Variants in KCNT2 observed in about 807,000 individuals in gnomAD.
KCNT2 encodes the protein potassium sodium-activated channel subfamily T member 2.
Under a neutral mutation model 153.8 loss-of-function variants are expected in KCNT2, and 67 were observed. The ratio of observed to expected loss-of-function variants is 0.44; its 90% confidence interval spans 0.36 to 0.53. KCNT2 has a LOEUF of 0.53. Among genes scored for constraint, KCNT2 ranks in the 20% least tolerant of loss-of-function variants. The pLI is 0.00. For synonymous variants in KCNT2, 500 were observed against 458.8 expected (o/e 1.09, Z -1.15); for missense variants, 975 against 1,354.8 (o/e 0.72, Z 4.40).
chr1:196,606,330 T>C (rs536993221), intron 1 of KCNT2, among the ~76,000 whole-genome samples: 1 of 152,272 alleles, frequency 6.6e-6, no homozygotes, highest in East Asian at 1.9e-4. Flanking sequence ...CTTCAAAGAT[T>C]AACAACAAAT....
chr1:196,540,949 C>T (rs1161404610), intron 1 of KCNT2, among the ~76,000 whole-genome samples: 4 of 151,760 alleles, frequency 2.6e-5, no homozygotes, highest in Non-Finnish European at 4.4e-5. Context: ...GCCTGTAGTC[C>T]CAGCTACTCG....
chr1:196,253,079 G>T (rs189843980), intron 26 of KCNT2, among the ~76,000 whole-genome samples: 28 of 151,122 alleles, frequency 1.9e-4, no homozygotes, highest in African/African-American at 6.5e-4. Flanking sequence ...TTTCAATGAG[G>T]TTCTTAAATT....
intron 26 of KCNT2, among the ~76,000 whole-genome samples, chr1:196,245,642 C>G (rs537324149): frequency 6.6e-6 from 1 of 152,026 alleles, no homozygotes; most frequent in East Asian, 1.9e-4. Context: ...AATTCAGAAT[C>G]CTAACAAAAA....
intron 1 of KCNT2, among the ~76,000 whole-genome samples, chr1:196,576,500 T>C (rs1661400651): frequency 6.6e-6 from 1 of 152,088 alleles, no homozygotes. Flanking sequence ...CCTACATAAA[T>C]TATATAAAAA....
chr1:196,424,683 A>G (rs1673499233), intron 11 of KCNT2, among the ~76,000 whole-genome samples: 1 of 151,588 alleles, frequency 6.6e-6, no homozygotes, highest in African/African-American at 2.4e-5. Context: ...TTTTTTTTTC[A>G]GAAGTTGAAT....
chr1:196,463,411 C>G (rs971279655), intron 8 of KCNT2, among the ~76,000 whole-genome samples: 1 of 151,662 alleles, frequency 6.6e-6, no homozygotes, highest in South Asian at 2.1e-4. Flanking sequence ...GAAATCAAAC[C>G]TGTTTATCCA....
intron 1 of KCNT2, among the ~76,000 whole-genome samples, chr1:196,499,598 T>G (rs1680513241): frequency 6.6e-6 from 1 of 152,206 alleles, no homozygotes; most frequent in Non-Finnish European, 1.5e-5. Flanking sequence ...TTTTCTTCCT[T>G]ATGTTATAAC....
At chr1:196,403,903 T>C (rs1671623532) in intron 12 of KCNT2, among the ~76,000 whole-genome samples, 1 of 151,652 alleles carries the variant, frequency 6.6e-6, no homozygotes, top group African/African-American at 2.4e-5. Context: ...TATTGTATAA[T>C]GGATGTGTGC....
intron 1 of KCNT2, among the ~76,000 whole-genome samples, chr1:196,604,203 G>T (rs913316601): frequency 6.6e-6 from 1 of 152,122 alleles, no homozygotes; most frequent in Non-Finnish European, 1.5e-5. Context: ...GTATTAAAAT[G>T]GAAATTCTAT....
At chr1:196,463,601 C>T (rs1438008861) in intron 8 of KCNT2, among the ~76,000 whole-genome samples, 1 of 151,666 alleles carries the variant, frequency 6.6e-6, no homozygotes, top group African/African-American at 2.4e-5. Context: ...AACTAAAACA[C>T]ACACACAAGA....
At chr1:196,419,668 C>G (rs1290452081) in intron 12 of KCNT2, among the ~76,000 whole-genome samples, 3 of 151,930 alleles carry the variant, frequency 2.0e-5, no homozygotes, top group African/African-American at 7.2e-5. Flanking sequence ...ATACAAAATT[C>G]TAAGTGAAAA....
intron 1 of KCNT2, among the ~76,000 whole-genome samples, chr1:196,494,957 G>C (rs1025169144): frequency 2.0e-5 from 3 of 151,340 alleles, no homozygotes; most frequent in African/African-American, 7.3e-5. Context: ...CTGGACAACA[G>C]CATGCGAGCC....
At chr1:196,252,810 G>T (rs977164853) in intron 26 of KCNT2, among the ~76,000 whole-genome samples, 4 of 150,940 alleles carry the variant, frequency 2.7e-5, no homozygotes, top group African/African-American at 9.7e-5. Flanking sequence ...CTTCATTTTA[G>T]AAAGATATCT....
Position 196,272,750 on chromosome 1 carries a change from T to C in KCNT2, c.2910+8110A>G, listed in dbSNP as rs796600090. ...TTCACTCAGCGTAATCTTGTCCAGGTTCATCCATGTTGTTCTCCTTCTCTC... is the reference window on the plus strand; with the variant it reads ...TTCACTCAGCGTAATCTTGTCCAGGCTCATCCATGTTGTTCTCCTTCTCTC... On this transcript the variant is annotated intron_variant, in intron 25 of 27. Transcript: ENST00000294725. Among the ~76,000 whole-genome samples the C allele has an allele frequency of 8.1e-4, 123 of 151,996 alleles. 1 individual carries two copies. Among genetic ancestry groups the C allele is most frequent in the African/African-American group, 2.9e-3 (119 of 41,522 alleles).
In KCNT2 at chr1:196,385,773, AT is replaced by A. The variant is rs755127315; in HGVS notation, c.1295-12526del. 2.0e-3 allele frequency among the ~76,000 whole-genome samples: 236 copies of A among 119,226 alleles called. 1 individual carries two copies. Among genetic ancestry groups the A allele is most frequent in the African/African-American group, 3.3e-3 (112 of 33,636 alleles). 78.2% of individuals were successfully genotyped at this position (119,226 alleles called of 152,430 possible). ...ATGGCACCATTTCTGCATTAAAAAA[AT>A]ATATATATATATATATATTTTGGAT... On this transcript the variant is annotated intron_variant, in intron 13 of 27. Transcript: ENST00000294725.
In KCNT2 at chr1:196,425,908, T is replaced by C. The variant is rs1471705723; in HGVS notation, c.1065A>G (p.Gln355=). ...RRVLQIPMWS[Q]RVIYLQGSAL... ...CTGAACCTTGAAGGTAGATAACTCG[T>C]TGGGACCACATTGGAATCTGCAGTA... is the stretch of plus-strand genomic sequence containing the variant. The change falls in exon 11 of 28, where the codon CAA becomes CAG. Residue 355 remains glutamine, a synonymous_variant. Transcript: ENST00000294725. The C allele has an allele frequency of 1.2e-6, 2 of 1,612,592 alleles. No individual in the cohort carries two copies. The highest frequency in any genetic ancestry group is 1.7e-6 in the Non-Finnish European group (2 of 1,179,050).
intron 19 of KCNT2, among the ~76,000 whole-genome samples, chr1:196,322,296 T>C (rs1271669598): frequency 6.6e-6 from 1 of 151,824 alleles, no homozygotes; most frequent in Non-Finnish European, 1.5e-5. Flanking sequence ...TATACAAAAT[T>C]TGTAGACCAC....
intron 17 of KCNT2, among the ~76,000 whole-genome samples, chr1:196,331,695 A>G (rs1664480615): frequency 6.6e-6 from 1 of 152,098 alleles, no homozygotes; most frequent in African/African-American, 2.4e-5. Flanking sequence ...CCTATTTATA[A>G]AAAGTTTGTT....
At chr1:196,507,941 GAGA>G (rs1351743236) in intron 1 of KCNT2, among the ~76,000 whole-genome samples, 1 of 151,836 alleles carries the variant, frequency 6.6e-6, no homozygotes. Context: ...CAGGATGTTT[GAGA>G]AGAAGAATAA....
Sources: gnomAD v4.1 joint callset for allele counts (sites outside exome capture counted in the v4.1 genomes callset) on GRCh38, gnomAD v4.1.1 for gene constraint, MANE v1.5 for transcripts, NCBI Gene and HGNC (gene_info 2026-07-23, HGNC 2026-07-21) for gene names.